PTPDC1: variants seen among roughly 807,000 people sequenced by gnomAD.
PTPDC1 encodes the protein protein tyrosine phosphatase domain-containing protein 1.
PTPDC1 carries 53 observed loss-of-function variants against 75.3 expected under a neutral mutation model. That is an observed-to-expected ratio of 0.70 (90% CI 0.56 to 0.88). The LOEUF is 0.88. PTPDC1 is among the 40% of genes least tolerant of loss of function. The probability of loss-of-function intolerance (pLI) is 0.00; values close to 1 mark genes in which losing one functional copy is unlikely to be tolerated. For synonymous variants in PTPDC1, 349 were observed against 366.2 expected (o/e 0.95, Z 0.54); for missense variants, 925 against 998.6 (o/e 0.93, Z 0.99).
Position 94,107,847 on chromosome 9 carries a change from A to G in PTPDC1, c.2330A>G (p.Asn777Ser). 1 of 1,599,184 alleles carries G rather than the reference A, an allele frequency of 6.3e-7. No individual in the cohort carries two copies. The highest frequency in any genetic ancestry group is 2.3e-5 in the East Asian group (1 of 44,106). Residue 777 changes from asparagine (N) to serine (S), a missense_variant, in exon 9 of 9, where the codon AAT (asparagine) becomes AGT (serine). By Grantham distance (46) the Asn-to-Ser change is conservative. Transcript: ENST00000620992. Reference protein sequence around the residue: ...AFTKVNFDSENGPTVYNTLKK... With the variant: ...AFTKVNFDSESGPTVYNTLKK... ...CACCAGGTTAATTTTGATTCTGAAAATGGACCAACAGTTTACAACACCCTG... is the reference window on the plus strand; with the variant it reads ...CACCAGGTTAATTTTGATTCTGAAAGTGGACCAACAGTTTACAACACCCTG...
chr9:94,093,539 T>C (rs1015365261), intron 4 of PTPDC1, among the ~76,000 whole-genome samples: 1 of 151,572 alleles, frequency 6.6e-6, no homozygotes, highest in African/African-American at 2.4e-5. Flanking sequence ...ATTTCAACTT[T>C]GGTGAATCTG....
chr9:94,088,310 C>T (rs778626704), intron 4 of PTPDC1, 47 bp downstream of exon 4: 6 of 1,589,216 alleles, frequency 3.8e-6, no homozygotes, highest in Non-Finnish European at 5.1e-6. Flanking sequence ...GGGCAGCACT[C>T]AGAGGCTTTT....
intron 7 of PTPDC1, among the ~76,000 whole-genome samples, chr9:94,103,274 G>T (rs1827908906): frequency 6.6e-6 from 1 of 152,194 alleles, no homozygotes; most frequent in African/African-American, 2.4e-5. Context: ...ATTAATGTTT[G>T]GTAGGTGACT....
At chr9:94,050,158 A>G (rs1366449467) in intron 1 of PTPDC1, among the ~76,000 whole-genome samples, 1 of 151,550 alleles carries the variant, frequency 6.6e-6, no homozygotes, top group East Asian at 1.9e-4. Flanking sequence ...CATGGGTTTG[A>G]ACTTCCTCCT....
chr9:94,105,523 C>T (rs1827983402), intron 8 of PTPDC1, among the ~76,000 whole-genome samples: 1 of 150,138 alleles, frequency 6.7e-6, no homozygotes, highest in Admixed American at 6.6e-5. Context: ...AAAAATTTAG[C>T]TGGGCATGGT....
intron 1 of PTPDC1, among the ~76,000 whole-genome samples, chr9:94,039,637 G>A (rs1199448561): frequency 6.6e-6 from 1 of 152,072 alleles, no homozygotes; most frequent in Non-Finnish European, 1.5e-5. Context: ...TTTTTTAAAT[G>A]AGGCAGGAGG....
At chr9:94,078,644 A>G (rs1826773529) in intron 2 of PTPDC1, among the ~76,000 whole-genome samples, 1 of 152,104 alleles carries the variant, frequency 6.6e-6, no homozygotes, top group Non-Finnish European at 1.5e-5. Context: ...CATTTCTGTG[A>G]GGCTTTGTTC....
At chr9:94,084,949 TTG>T (rs1467312517) in intron 1 of PTPDC1, among the ~76,000 whole-genome samples, 175 bp downstream of exon 1, 2 of 152,252 alleles carry the variant, frequency 1.3e-5, no homozygotes, top group African/African-American at 2.4e-5. Flanking sequence ...ATCAAATGTT[TTG>T]TGTTTTTTTA....
chr9:94,099,075 GC>G (rs1270110481), intron 6 of PTPDC1, among the ~76,000 whole-genome samples: 1 of 152,222 alleles, frequency 6.6e-6, no homozygotes, highest in Non-Finnish European at 1.5e-5. Context: ...TGCCAATCCT[GC>G]CCTAATAGGG....
intron 4 of PTPDC1, among the ~76,000 whole-genome samples, chr9:94,089,101 T>A (rs1019245985): frequency 6.0e-5 from 9 of 151,250 alleles, no homozygotes; most frequent in Admixed American, 2.6e-4. Context: ...TATTATACTT[T>A]AAGTTTTAGG....
At chr9:94,093,126 T>C (rs1225370659) in intron 4 of PTPDC1, among the ~76,000 whole-genome samples, 1 of 152,184 alleles carries the variant, frequency 6.6e-6, no homozygotes, top group East Asian at 1.9e-4. Flanking sequence ...ATCCTGTCAT[T>C]ATGATGTTAG....
intron 1 of PTPDC1, among the ~76,000 whole-genome samples, chr9:94,062,268 C>G (rs1194588866): frequency 6.6e-6 from 1 of 152,170 alleles, no homozygotes; most frequent in Non-Finnish European, 1.5e-5. Context: ...TTCCCCATTT[C>G]CATCTGAGAC....
At chr9:94,046,667 A>T (rs1825608411) in intron 1 of PTPDC1, among the ~76,000 whole-genome samples, 2 of 152,166 alleles carry the variant, frequency 1.3e-5, no homozygotes, top group African/African-American at 4.8e-5. Context: ...GGTGTTTAAG[A>T]ATGCTTGTGA....
At chr9:94,069,917 C>A (rs1363866591) in intron 2 of PTPDC1, among the ~76,000 whole-genome samples, 1 of 150,142 alleles carries the variant, frequency 6.7e-6, no homozygotes, top group African/African-American at 2.5e-5. Flanking sequence ...CTCCGCCTCC[C>A]GGGTTCACGC....
At chr9:94,095,854 G>A (rs1313036162) in intron 5 of PTPDC1, among the ~76,000 whole-genome samples, 2 of 152,112 alleles carry the variant, frequency 1.3e-5, no homozygotes, top group African/African-American at 2.4e-5. Flanking sequence ...TAAACAGGTA[G>A]TTACAATGAC....
chr9:94,087,907 C>T lies in PTPDC1; in HGVS notation c.493C>T (p.Leu165Phe), dbSNP rs1387991063. 1.9e-6 allele frequency: 3 copies of T among 1,612,568 alleles called. No homozygotes were observed. Among genetic ancestry groups the T allele is most frequent in the Non-Finnish European group, 2.5e-6 (3 of 1,178,630 alleles). ...LEKYHIIDQF[L>F]SHGIKTIINL... The stretch of plus-strand genomic sequence containing the variant: ...GAAGTACCACATCATTGATCAGTTC[C>T]TCAGGTAAATGCTGTATTGTTCACA... Residue 165 changes from leucine (L) to phenylalanine (F), a missense_variant, in exon 3 of 9, where the codon CTC becomes TTC. Leu to Phe is a conservative substitution (Grantham distance 22). Transcript: ENST00000620992.
At chr9:94,032,810 T>G (rs1437004625) in intron 1 of PTPDC1, among the ~76,000 whole-genome samples, 1 of 152,058 alleles carries the variant, frequency 6.6e-6, no homozygotes, top group Admixed American at 6.6e-5. Context: ...CCACCACACC[T>G]GGCCTCACAG....
chr9:94,072,244 G>A (rs1048750902), intron 2 of PTPDC1, among the ~76,000 whole-genome samples: 7 of 152,320 alleles, frequency 4.6e-5, no homozygotes, highest in African/African-American at 1.7e-4. Flanking sequence ...GACTTCAGGT[G>A]ATCTGCCCGC....
chr9:94,060,001 AGACTT>A (rs1826078901), intron 1 of PTPDC1, among the ~76,000 whole-genome samples: 1 of 152,194 alleles, frequency 6.6e-6, no homozygotes, highest in Non-Finnish European at 1.5e-5. Flanking sequence ...TCTGGGGACT[AGACTT>A]CAGTTCTGGG....
Sources: gnomAD v4.1 joint callset for allele counts (sites outside exome capture counted in the v4.1 genomes callset) on GRCh38, gnomAD v4.1.1 for gene constraint, MANE v1.5 for transcripts, NCBI Gene and HGNC (gene_info 2026-07-23, HGNC 2026-07-21) for gene names.